CHSY3: variants seen among roughly 807,000 people sequenced by gnomAD.
CHSY3 encodes N-acetylgalactosaminyl-proteoglycan 3-beta-glucuronosyltransferase 3.
CHSY3 carries 35 observed loss-of-function variants against 67.2 expected under a neutral mutation model. That is an observed-to-expected ratio of 0.52 (90% confidence interval 0.40 to 0.69). The LOEUF (loss-of-function observed/expected upper bound fraction) is 0.69, where lower values mean the gene tolerates loss of function less well. Ranked by LOEUF, CHSY3 falls within the 30% of genes least tolerant of loss-of-function variation. CHSY3 has a pLI of 0.00. For missense variants in CHSY3, 1,069 were observed against 1,138.5 expected (o/e 0.94, Z 0.88); for synonymous variants, 474 against 434.7 (o/e 1.09, Z -1.12).
chr5:130,151,355 T>A (rs2149724124), intron 2 of CHSY3, among the ~76,000 whole-genome samples: 1 of 152,350 alleles, frequency 6.6e-6, no homozygotes, highest in Non-Finnish European at 1.5e-5. Flanking sequence ...TCCTTTGCCT[T>A]CTGATAGTTA....
intron 2 of CHSY3, among the ~76,000 whole-genome samples, chr5:129,972,973 A>T (rs1313167320): frequency 6.6e-6 from 1 of 151,894 alleles, no homozygotes; most frequent in Non-Finnish European, 1.5e-5. Context: ...GAGTCTTGTG[A>T]TGAGTCAATC....
intron 2 of CHSY3, among the ~76,000 whole-genome samples, chr5:129,929,113 T>C (rs995548235): frequency 6.6e-6 from 1 of 152,112 alleles, no homozygotes; most frequent in Non-Finnish European, 1.5e-5. Context: ...ATATATAATA[T>C]AAGGAAATGG....
rs1448322785 is a variant in CHSY3 at position 129,980,630 on chromosome 5, A to G, written c.1086+72270A>G. Among the ~76,000 whole-genome samples, 3 of 152,192 alleles carry G rather than the reference A, an allele frequency of 2.0e-5. No individual in the cohort carries two copies. The East Asian group carries it at 5.8e-4, about 29-fold the overall frequency. On this transcript the variant is annotated intron_variant, in intron 2 of 2. Coordinates refer to ENST00000305031, the MANE Select transcript of CHSY3 (RefSeq NM_175856.5). ...TAAGTTTTTAAATTTATCGAAGTCC[A>G]GCTTATCAATGATCTCTTTTATTGA...
At chr5:130,091,146 GCACA>G (rs148312347) in intron 2 of CHSY3, among the ~76,000 whole-genome samples, 1 of 149,440 alleles carries the variant, frequency 6.7e-6, no homozygotes, top group African/African-American at 2.5e-5. Context: ...GCACACGCGC[GCACA>G]CACACACACA....
At chr5:129,921,008 C>T (rs569816707) in intron 2 of CHSY3, among the ~76,000 whole-genome samples, 123 of 152,148 alleles carry the variant, frequency 8.1e-4, no homozygotes, top group African/African-American at 2.5e-3. Flanking sequence ...TTTGTAGTGA[C>T]GTGGTTTTGC....
intron 2 of CHSY3, among the ~76,000 whole-genome samples, chr5:130,134,839 T>TCC (rs1458997297): frequency 1.2e-4 from 17 of 141,652 alleles, no homozygotes; most frequent in African/African-American, 4.5e-4. Context: ...ACGTTTTACT[T>TCC]CCCACCCCCC....
intron 2 of CHSY3, among the ~76,000 whole-genome samples, chr5:130,163,906 T>C (rs934243466): frequency 1.1e-4 from 16 of 152,288 alleles, no homozygotes; most frequent in African/African-American, 3.6e-4. Flanking sequence ...ATCTATATGA[T>C]AGGCATCTAG....
intron 2 of CHSY3, among the ~76,000 whole-genome samples, chr5:130,005,921 G>A (rs1011121839): frequency 6.6e-6 from 1 of 152,048 alleles, no homozygotes; most frequent in African/African-American, 2.4e-5. Flanking sequence ...AATAAGAAAT[G>A]TTTATTGCTT....
chr5:129,933,077 C>A (rs1320888791), intron 2 of CHSY3, among the ~76,000 whole-genome samples: 1 of 151,966 alleles, frequency 6.6e-6, no homozygotes, highest in Non-Finnish European at 1.5e-5. Flanking sequence ...TAGAGTGATA[C>A]AAATATATAA....
intron 2 of CHSY3, among the ~76,000 whole-genome samples, chr5:130,149,384 G>A (rs1316173460): frequency 6.6e-6 from 1 of 152,160 alleles, no homozygotes; most frequent in Non-Finnish European, 1.5e-5. Context: ...TATAATTATG[G>A]CAGAAGGCAA....
intron 2 of CHSY3, among the ~76,000 whole-genome samples, chr5:129,952,554 G>A (rs1008559385): frequency 1.3e-5 from 2 of 152,146 alleles, no homozygotes; most frequent in African/African-American, 4.8e-5. Flanking sequence ...CATTTGAGGA[G>A]TCATATTTTC....
At chr5:130,133,771 TAAAAAAAAAAAAAAAAAAAAAAAAGAA>T (rs1242626563) in intron 2 of CHSY3, among the ~76,000 whole-genome samples, 94 of 58,136 alleles carry the variant, frequency 1.6e-3, no homozygotes, top group African/African-American at 6.9e-3. Context: ...GACTCCGTCT[TAAAAAAAAAAAAAAAAAAAAAAAAGAA>T]AAAAAAAAAA....
At chr5:130,164,503 C>A (rs1267080630) in intron 2 of CHSY3, among the ~76,000 whole-genome samples, 1 of 152,130 alleles carries the variant, frequency 6.6e-6, no homozygotes, top group African/African-American at 2.4e-5. Context: ...TATTCAATTT[C>A]ATTTCCCCCT....
At chr5:130,075,520 T>A (rs1227272845) in intron 2 of CHSY3, among the ~76,000 whole-genome samples, 1 of 152,200 alleles carries the variant, frequency 6.6e-6, no homozygotes, top group Admixed American at 6.6e-5. Flanking sequence ...ATTCAAACTC[T>A]TATTTTTCAA....
At chr5:129,992,792 G>C (rs1331976760) in intron 2 of CHSY3, among the ~76,000 whole-genome samples, 1 of 152,152 alleles carries the variant, frequency 6.6e-6, no homozygotes, top group African/African-American at 2.4e-5. Flanking sequence ...AAGAACCATT[G>C]CTAATAGTAA....
At chr5:129,951,006 A>C (rs74944801) in intron 2 of CHSY3, among the ~76,000 whole-genome samples, 2,168 of 152,316 alleles carry the variant, frequency 0.014, 54 homozygotes, top group African/African-American at 0.049. Flanking sequence ...ACACAGCTAT[A>C]GTACTCAAAA....
At chr5:129,937,103 A>G (rs1761519882) in intron 2 of CHSY3, among the ~76,000 whole-genome samples, 1 of 152,104 alleles carries the variant, frequency 6.6e-6, no homozygotes, top group Non-Finnish European at 1.5e-5. Context: ...GAGACACTAT[A>G]TTTGTCCATT....
chr5:130,020,761 A>G (rs1764367208), intron 2 of CHSY3, among the ~76,000 whole-genome samples: 1 of 152,058 alleles, frequency 6.6e-6, no homozygotes, highest in African/African-American at 2.4e-5. Context: ...TAACTTATGA[A>G]GTGTGTATGT....
intron 2 of CHSY3, among the ~76,000 whole-genome samples, chr5:129,915,238 T>C (rs1760695083): frequency 6.6e-6 from 1 of 152,176 alleles, no homozygotes; most frequent in Non-Finnish European, 1.5e-5. Flanking sequence ...CTGAGTTACA[T>C]GAGTCATTAT....
Sources: gnomAD v4.1 joint callset for allele counts (sites outside exome capture counted in the v4.1 genomes callset) on GRCh38, gnomAD v4.1.1 for gene constraint, MANE v1.5 for transcripts, NCBI Gene and HGNC (gene_info 2026-07-23, HGNC 2026-07-21) for gene names.